The following SEC14L1 variants were observed in gnomAD, a reference collection of about 807,000 sequenced individuals.
The protein encoded by SEC14L1 is SEC14 like lipid binding 1, also known as SEC14-like protein 1.
In SEC14L1, 48 loss-of-function variants were observed where a neutral mutation model predicts 85.3. That is an observed-to-expected ratio of 0.56 (90% confidence interval 0.45 to 0.72). SEC14L1 has a LOEUF of 0.72. Ranked by LOEUF, SEC14L1 falls within the 30% of genes least tolerant of loss-of-function variation. The pLI is 0.00. For synonymous variants in SEC14L1, 391 were observed against 355.5 expected, an observed-to-expected ratio of 1.10 and a Z score of -1.12; for missense variants, 682 against 921.4, an observed-to-expected ratio of 0.74 and a Z score of 3.36.
rs1347605776 is a variant in SEC14L1 at position 77,206,517 on chromosome 17, A to G, written c.1341+117A>G. 6 of 1,310,110 alleles carry G rather than the reference A, an allele frequency of 4.6e-6. No homozygotes were observed. Among genetic ancestry groups the G allele is most frequent in the Middle Eastern group, 2.6e-4 (1 of 3,790 alleles). The allele number at this position is 1,310,110 out of a possible 1,614,324, so 81.2% of individuals were successfully genotyped here. A position where few individuals can be genotyped will look rare whatever the true frequency, so the allele number is the denominator to read the frequency against. On this transcript the variant is annotated intron_variant, in intron 12 of 16. Coordinates refer to ENST00000436233, the MANE Select transcript of SEC14L1 (RefSeq NM_001143998.2). This position sits in a 1 kb window ranked among gnomAD's most constrained non-coding sequence, Gnocchi z 4.3. ...ACTTCTTAGGAAAAAAAACAATAAC[A>G]TGCAAAGATATAAAATTTCTCAAAT...
chr17:77,196,060 A>G, intron 7 of SEC14L1, 142 bp from the exon 8 acceptor site: 1 of 628,624 alleles, frequency 1.6e-6, no homozygotes. Context: ...CCTCTAAGGA[A>G]TCTGGTTTAC....
intron 3 of SEC14L1, among the ~76,000 whole-genome samples, chr17:77,179,211 C>T (rs1363519467): frequency 6.6e-6 from 1 of 151,996 alleles, no homozygotes; most frequent in African/African-American, 2.4e-5. Context: ...TGAAATGGCT[C>T]CTTGATCAAA....
intron 3 of SEC14L1, among the ~76,000 whole-genome samples, chr17:77,103,330 C>A (rs1971822328): frequency 6.6e-6 from 1 of 152,088 alleles, no homozygotes; most frequent in East Asian, 1.9e-4. Flanking sequence ...CCAAGCTGGT[C>A]TAGAACTCCT....
intron 3 of SEC14L1, among the ~76,000 whole-genome samples, chr17:77,115,334 TG>T (rs1269479425): frequency 1.3e-5 from 2 of 151,854 alleles, no homozygotes; most frequent in African/African-American, 4.8e-5. Context: ...GAGGCTGAGG[TG>T]GAAGCATTGC....
chr17:77,111,123 G>A (rs551790210), intron 3 of SEC14L1, among the ~76,000 whole-genome samples: 1 of 151,378 alleles, frequency 6.6e-6, no homozygotes, highest in Admixed American at 6.6e-5. Flanking sequence ...AACCCAGGAG[G>A]CAGAGGTTGG....
rs1463664724 is a variant in SEC14L1, at chr17:77,214,059, G to T, written c.*36G>T. 1.3e-5 allele frequency: 20 copies of T among 1,593,494 alleles called. No homozygotes were observed. Among genetic ancestry groups the T allele is most frequent in the Non-Finnish European group, 1.5e-5 (18 of 1,169,484 alleles). Reference sequence around the variant, plus strand: ...CCTGCACCTAGTGTGCAGAGGGGACGGCCGCCCCTCCTCGGACAGCCAGCT... The same window carrying T: ...CCTGCACCTAGTGTGCAGAGGGGACTGCCGCCCCTCCTCGGACAGCCAGCT... On this transcript the variant is annotated 3_prime_UTR_variant, in exon 17 of 17. Coordinates refer to ENST00000436233, the MANE Select transcript of SEC14L1 (RefSeq NM_001143998.2).
rs1232002069 is a variant in SEC14L1 at position 77,215,224 on chromosome 17, G to T, written c.*1201G>T. 1.0e-6 allele frequency: 1 copy of T among 985,268 alleles called. No homozygotes were observed. Among genetic ancestry groups the T allele is most frequent in the African/African-American group, 1.7e-5 (1 of 57,186 alleles). The allele number at this position is 985,268 out of a possible 1,614,324, so 61.0% of individuals were successfully genotyped here. On this transcript the variant is annotated 3_prime_UTR_variant, in exon 17 of 17. Coordinates refer to ENST00000436233, the MANE Select transcript of SEC14L1 (RefSeq NM_001143998.2). Reference sequence around the variant, plus strand: ...GCCTTTTACATTTTGTTTAATTCCTGATTTTAAAGCCTGCTCTATCTGGTA... The same window carrying T: ...GCCTTTTACATTTTGTTTAATTCCTTATTTTAAAGCCTGCTCTATCTGGTA...
intron 1 of SEC14L1, chr17:77,141,738 C>G (rs114067358): frequency 3.0e-4 from 45 of 152,320 alleles, no homozygotes; most frequent in African/African-American, 1.1e-3. Context: ...GTAGCCAGTT[C>G]TGCCAGGCGG....
chr17:77,207,894 G>C (rs553968056), intron 13 of SEC14L1, among the ~76,000 whole-genome samples: 1 of 152,204 alleles, frequency 6.6e-6, no homozygotes, highest in African/African-American at 2.4e-5. Context: ...GAACCTTGGG[G>C]TCCTTATAGG....
chr17:77,159,817 CAAAG>C (rs1336990082), intron 3 of SEC14L1, among the ~76,000 whole-genome samples: 13 of 152,178 alleles, frequency 8.5e-5, no homozygotes, highest in African/African-American at 3.1e-4. Context: ...AATTTTTTAA[CAAAG>C]AAAGAATAGC....
chr17:77,192,428 A>G (rs891830802), intron 5 of SEC14L1, among the ~76,000 whole-genome samples: 5 of 152,190 alleles, frequency 3.3e-5, no homozygotes, highest in Non-Finnish European at 7.3e-5. Flanking sequence ...GGAAGAGCCC[A>G]TAGTCTTTAT....
intron 14 of SEC14L1, chr17:77,210,748 T>A (rs185242158): frequency 6.6e-6 from 1 of 152,306 alleles, no homozygotes; most frequent in East Asian, 1.9e-4. Flanking sequence ...AGGGACCGAG[T>A]CCTTGTTCCT....
At chr17:77,140,496 G>A (rs1972947149), upstream of SEC14L1, among the ~76,000 whole-genome samples, 1 of 152,250 alleles carries the variant, frequency 6.6e-6, no homozygotes, top group South Asian at 2.1e-4. Flanking sequence ...CACGGGGGCA[G>A]CCGCCAGGGC....
At chr17:77,199,923 C>A (rs1285840646) in intron 8 of SEC14L1, among the ~76,000 whole-genome samples, 1 of 152,194 alleles carries the variant, frequency 6.6e-6, no homozygotes, top group Non-Finnish European at 1.5e-5. Flanking sequence ...AATCCCAACA[C>A]TTTGGGAGGC....
upstream of SEC14L1, among the ~76,000 whole-genome samples, chr17:77,136,646 G>A (rs976928592): frequency 2.0e-5 from 3 of 152,154 alleles, no homozygotes; most frequent in African/African-American, 4.8e-5. Context: ...GGGTGTGCAC[G>A]CATGTGTGTG....
chr17:77,179,000 C>G (rs1025444760), intron 3 of SEC14L1, among the ~76,000 whole-genome samples: 1 of 152,240 alleles, frequency 6.6e-6, no homozygotes, highest in African/African-American at 2.4e-5. Flanking sequence ...ATGCTGTTTC[C>G]TAAGAGAAAA....
intron 3 of SEC14L1, among the ~76,000 whole-genome samples, chr17:77,168,271 A>G (rs1018012354): frequency 3.9e-5 from 6 of 152,082 alleles, no homozygotes; most frequent in Non-Finnish European, 5.9e-5. Flanking sequence ...ATCTCTGGCA[A>G]TTTCCCCCTT....
chr17:77,152,684 T>A (rs1278653123), intron 3 of SEC14L1: 3 of 152,232 alleles, frequency 2.0e-5, no homozygotes, highest in Non-Finnish European at 4.4e-5. Flanking sequence ...GCCTTTCTCC[T>A]TTTTAAACAC....
intron 3 of SEC14L1, among the ~76,000 whole-genome samples, chr17:77,156,696 C>T (rs528294225): frequency 6.6e-6 from 1 of 151,592 alleles, no homozygotes; most frequent in Non-Finnish European, 1.5e-5. Flanking sequence ...TACTCTAATC[C>T]CATGACATAA....
Sources: allele counts gnomAD v4.1 joint callset (sites outside exome capture counted in the v4.1 genomes callset), GRCh38; gene constraint gnomAD v4.1.1; non-coding constraint Gnocchi (gnomAD v3.1); transcripts MANE v1.5; gene names NCBI Gene and HGNC (gene_info 2026-07-23, HGNC 2026-07-21).